Variants in OPCML observed in about 807,000 individuals in gnomAD.
The protein encoded by OPCML is opioid binding protein/cell adhesion molecule like, also known as opioid-binding protein/cell adhesion molecule.
Under a neutral mutation model 37.8 loss-of-function variants are expected in OPCML, and 13 were observed. The observed-to-expected ratio is 0.34, with a 90% CI of 0.22 to 0.55. OPCML has a LOEUF of 0.55. Among genes scored for constraint, OPCML ranks in the 20% least tolerant of loss-of-function variants. OPCML has a pLI of 0.91. For synonymous variants in OPCML, 176 were observed against 168.8 expected (o/e 1.04, Z -0.33); for missense variants, 341 against 435.6 (o/e 0.78, Z 1.93).
chr11:132,941,353 A>C (rs2136669225), intron 2 of OPCML, among the ~76,000 whole-genome samples: 1 of 152,314 alleles, frequency 6.6e-6, no homozygotes, highest in East Asian at 1.9e-4. Context: ...CACGACTGAG[A>C]TCCTATTCAA....
intron 4 of OPCML, among the ~76,000 whole-genome samples, chr11:132,473,085 G>A (rs73033749): frequency 3.5e-3 from 533 of 152,272 alleles, no homozygotes; most frequent in Non-Finnish European, 5.3e-3. Flanking sequence ...TTAATGCACG[G>A]CAATGAAAAA....
chr11:133,043,510 C>G (rs1295154009), intron 1 of OPCML, among the ~76,000 whole-genome samples: 1 of 152,186 alleles, frequency 6.6e-6, no homozygotes, highest in African/African-American at 2.4e-5. Context: ...GGCAGCTGCG[C>G]ACACCCAGGG....
chr11:132,981,486 C>A (rs12363846), intron 1 of OPCML, among the ~76,000 whole-genome samples: 1 of 151,882 alleles, frequency 6.6e-6, no homozygotes. Context: ...CGGGCACTGG[C>A]GGGAAAGGGC....
chr11:133,368,181 G>C (rs924445976), intron 1 of OPCML, among the ~76,000 whole-genome samples: 1 of 151,574 alleles, frequency 6.6e-6, no homozygotes, highest in African/African-American at 2.4e-5. Context: ...GAAAGCGAAA[G>C]GGAGGGGGAG....
chr11:133,249,623 G>A (rs890543772), intron 1 of OPCML, among the ~76,000 whole-genome samples: 25 of 152,246 alleles, frequency 1.6e-4, no homozygotes, highest in African/African-American at 6.0e-4. Flanking sequence ...AGAGAAAGCT[G>A]GTGATGCCAC....
chr11:133,354,279 A>ATGCTGGTG (rs1565588718), intron 1 of OPCML, among the ~76,000 whole-genome samples: 7 of 19,718 alleles, frequency 3.6e-4, no homozygotes, highest in East Asian at 1.9e-3. Context: ...TGGTGGTGAT[A>ATGCTGGTG]GTGATGGTGG....
intron 1 of OPCML, among the ~76,000 whole-genome samples, chr11:133,089,577 G>C (rs182847513): frequency 2.6e-5 from 4 of 152,188 alleles, no homozygotes; most frequent in Non-Finnish European, 4.4e-5. Context: ...ACTCTCTAAG[G>C]GCACATAATT....
At chr11:132,856,726 C>T (rs1942071799) in intron 2 of OPCML, among the ~76,000 whole-genome samples, 1 of 152,198 alleles carries the variant, frequency 6.6e-6, no homozygotes, top group Admixed American at 6.5e-5. Flanking sequence ...CCAGTAAGCA[C>T]ACTGTGCATG....
chr11:132,732,755 T>C (rs932065324), intron 2 of OPCML, among the ~76,000 whole-genome samples: 1 of 152,036 alleles, frequency 6.6e-6, no homozygotes, highest in African/African-American at 2.4e-5. Context: ...AGAGAACAAT[T>C]GAACTGCATG....
At chr11:132,498,396 T>C (rs1274426596) in intron 4 of OPCML, among the ~76,000 whole-genome samples, 2 of 152,240 alleles carry the variant, frequency 1.3e-5, no homozygotes, top group Admixed American at 6.5e-5. Flanking sequence ...TTAAATGGAC[T>C]CTGACTATGC....
At chr11:132,462,054 T>C (rs900145421) in intron 4 of OPCML, among the ~76,000 whole-genome samples, 4 of 152,202 alleles carry the variant, frequency 2.6e-5, no homozygotes, top group Non-Finnish European at 4.4e-5. Context: ...AATGTACTAC[T>C]TGCAATTTTT....
intron 2 of OPCML, among the ~76,000 whole-genome samples, chr11:132,907,574 T>A (rs1591786718): frequency 6.7e-6 from 1 of 149,834 alleles, no homozygotes; most frequent in South Asian, 2.1e-4. Context: ...GAGGTCGCAG[T>A]GAGCCGAGAT....
intron 1 of OPCML, among the ~76,000 whole-genome samples, chr11:133,413,927 G>A (rs1349084028): frequency 3.3e-5 from 5 of 152,170 alleles, no homozygotes. Flanking sequence ...GAGCACTGCA[G>A]TCCCTGGAGG....
chr11:133,261,403 C>G (rs1941491601), intron 1 of OPCML, among the ~76,000 whole-genome samples: 1 of 152,192 alleles, frequency 6.6e-6, no homozygotes. Context: ...TTCAGTGGCT[C>G]CATGTTAAAC....
chr11:133,291,723 G>A (rs1284874561), intron 1 of OPCML, among the ~76,000 whole-genome samples: 1 of 152,220 alleles, frequency 6.6e-6, no homozygotes, highest in Non-Finnish European at 1.5e-5. Flanking sequence ...AGCCCTTCCA[G>A]CAGCCTGGGC....
intron 1 of OPCML, among the ~76,000 whole-genome samples, chr11:133,408,715 G>C (rs768271059): frequency 6.6e-6 from 1 of 152,124 alleles, no homozygotes; most frequent in Admixed American, 6.5e-5. Flanking sequence ...TAGGATGTGG[G>C]AGGAAACCAA....
At chr11:132,777,823 C>T (rs1055687344) in intron 2 of OPCML, among the ~76,000 whole-genome samples, 1 of 152,186 alleles carries the variant, frequency 6.6e-6, no homozygotes, top group Non-Finnish European at 1.5e-5. Flanking sequence ...CCTTCAGGCT[C>T]ATGTTTAAAG....
rs145859801 is a variant in OPCML, at chr11:132,715,877, G to A, written c.147-58558C>T. Among the ~76,000 whole-genome samples, 227 of 152,224 alleles carry A rather than the reference G, an allele frequency of 1.5e-3. 1 individual carries two copies. The highest frequency in any genetic ancestry group is 4.6e-3 in the African/African-American group (191 of 41,524). On this transcript the variant is annotated intron_variant, in intron 2 of 7. Transcript: ENST00000524381. Reference sequence around the variant, plus strand: ...ATACCTACCTTACAAATTAGTGGTCGGAATAGAGGTAGAAGCATGTGAAGT... The same window carrying A: ...ATACCTACCTTACAAATTAGTGGTCAGAATAGAGGTAGAAGCATGTGAAGT...
intron 2 of OPCML, among the ~76,000 whole-genome samples, chr11:132,865,762 G>A (rs1942517799): frequency 6.6e-6 from 1 of 152,154 alleles, no homozygotes; most frequent in Non-Finnish European, 1.5e-5. Context: ...CTATATATGA[G>A]TGATTATAGC....
Sources: gnomAD v4.1 joint callset for allele counts (sites outside exome capture counted in the v4.1 genomes callset) on GRCh38, gnomAD v4.1.1 for gene constraint, MANE v1.5 for transcripts, NCBI Gene and HGNC (gene_info 2026-07-23, HGNC 2026-07-21) for gene names.